Variants in CALN1 observed in about 807,000 individuals in gnomAD.
CALN1 encodes calneuron 1, also known as calcium-binding protein 8.
Under a neutral mutation model 30.6 loss-of-function variants are expected in CALN1, and 17 were observed. That is an observed-to-expected ratio of 0.56 (90% confidence interval 0.38 to 0.83). The LOEUF (loss-of-function observed/expected upper bound fraction) is 0.83. Ranked by LOEUF, CALN1 falls within the 40% of genes least tolerant of loss-of-function variation. CALN1 has a pLI of 0.00. For synonymous variants in CALN1, 156 were observed against 131.4 expected (o/e 1.19, Z -1.28); for missense variants, 291 against 354.9 (o/e 0.82, Z 1.45).
At chr7:71,915,690 CTG>C (rs1341975215) in intron 5 of CALN1, among the ~76,000 whole-genome samples, 1 of 152,122 alleles carries the variant, frequency 6.6e-6, no homozygotes, top group Non-Finnish European at 1.5e-5. Flanking sequence ...GCCAAGATCG[CTG>C]CATTGCACTC....
At chr7:72,100,638 G>GAA (rs1806585619) in intron 4 of CALN1, among the ~76,000 whole-genome samples, 1 of 151,890 alleles carries the variant, frequency 6.6e-6, no homozygotes, top group Non-Finnish European at 1.5e-5. Context: ...CTAACACAGT[G>GAA]AAACCCCATC....
At chr7:71,985,958 T>C (rs985836520) in intron 5 of CALN1, among the ~76,000 whole-genome samples, 1 of 152,110 alleles carries the variant, frequency 6.6e-6, no homozygotes, top group Admixed American at 6.5e-5. Context: ...AAATGATCCA[T>C]GGTATGAGAC....
At chr7:71,801,750 G>GCAGA (rs1787327155) in intron 6 of CALN1, among the ~76,000 whole-genome samples, 1 of 152,060 alleles carries the variant, frequency 6.6e-6, no homozygotes, top group Non-Finnish European at 1.5e-5. Context: ...GCTGAGGTGG[G>GCAGA]TGGATCACCT....
At chr7:72,409,813 G>A (rs991786377) in intron 1 of CALN1, among the ~76,000 whole-genome samples, 2 of 152,068 alleles carry the variant, frequency 1.3e-5, no homozygotes, top group African/African-American at 2.4e-5. Flanking sequence ...ACCAAGGAAC[G>A]TTCCCTCCCT....
rs949458592 is a variant in CALN1, at chr7:72,177,336, G to T, written c.245-71042C>A. ...ACAGAAATAAGACATCCCGGGCTATGTCATGACTCTTAAGCAGGCCTGGCC... is the reference window on the plus strand; with the variant it reads ...ACAGAAATAAGACATCCCGGGCTATTTCATGACTCTTAAGCAGGCCTGGCC... On this transcript the variant is annotated intron_variant, in intron 3 of 6. Coordinates refer to ENST00000395275, the MANE Select transcript of CALN1 (RefSeq NM_031468.4). 3.3e-5 allele frequency among the ~76,000 whole-genome samples: 5 copies of T among 152,174 alleles called. No homozygotes were observed. The East Asian group carries it at 9.6e-4, about 29-fold the overall frequency.
At chr7:72,253,517 A>G (rs1795704135) in intron 3 of CALN1, among the ~76,000 whole-genome samples, 1 of 152,230 alleles carries the variant, frequency 6.6e-6, no homozygotes, top group Admixed American at 6.5e-5. Context: ...CTGAAGTTGA[A>G]AGGGAAACAA....
At chr7:72,318,578 T>C (rs1317126566) in intron 2 of CALN1, among the ~76,000 whole-genome samples, 1 of 152,142 alleles carries the variant, frequency 6.6e-6, no homozygotes, top group South Asian at 2.1e-4. Context: ...TCTTGCTCTA[T>C]TACCCAGGCT....
intron 5 of CALN1, among the ~76,000 whole-genome samples, chr7:71,928,819 GT>G (rs1795402408): frequency 1.3e-5 from 2 of 151,870 alleles, no homozygotes; most frequent in East Asian, 3.9e-4. Flanking sequence ...ATCACTTGAG[GT>G]CAGGAGCTCC....
intron 3 of CALN1, among the ~76,000 whole-genome samples, chr7:72,127,182 T>C (rs1808828968): frequency 6.6e-6 from 1 of 151,424 alleles, no homozygotes; most frequent in Admixed American, 6.6e-5. Flanking sequence ...AGACTTGAGG[T>C]AAGGGTGGTA....
intron 1 of CALN1, among the ~76,000 whole-genome samples, chr7:72,418,469 T>A (rs1310537222): frequency 1.3e-5 from 2 of 152,178 alleles, no homozygotes; most frequent in Non-Finnish European, 2.9e-5. Flanking sequence ...TTATTTTCCT[T>A]TGGGTTTGGG....
chr7:71,907,439 G>A (rs1794203296), intron 5 of CALN1, among the ~76,000 whole-genome samples: 1 of 152,142 alleles, frequency 6.6e-6, no homozygotes, highest in South Asian at 2.1e-4. Flanking sequence ...GATTCTCCAT[G>A]CATCAACTAT....
At chr7:72,191,313 C>G (rs1202079657) in intron 3 of CALN1, among the ~76,000 whole-genome samples, 1 of 152,000 alleles carries the variant, frequency 6.6e-6, no homozygotes, top group African/African-American at 2.4e-5. Flanking sequence ...TGAAGGATGG[C>G]AGAGGAGGCC....
At chr7:71,816,060 G>A (rs1219669253) in intron 5 of CALN1, among the ~76,000 whole-genome samples, 1 of 150,736 alleles carries the variant, frequency 6.6e-6, no homozygotes, top group African/African-American at 2.4e-5. Context: ...TTTACAGAGA[G>A]AGTCTTGCTA....
chr7:72,223,426 G>T (rs1034790990), intron 3 of CALN1, among the ~76,000 whole-genome samples: 3 of 152,156 alleles, frequency 2.0e-5, no homozygotes, highest in African/African-American at 7.2e-5. Flanking sequence ...TATGGAAGGT[G>T]ATTCATTTTT....
At chr7:72,102,955 C>T (rs1049365855) in intron 4 of CALN1, among the ~76,000 whole-genome samples, 32 of 151,836 alleles carry the variant, frequency 2.1e-4, no homozygotes, top group African/African-American at 7.0e-4. Flanking sequence ...CACCTGTAGG[C>T]CCAGCTACTT....
intron 2 of CALN1, among the ~76,000 whole-genome samples, chr7:72,362,861 T>A (rs1250297419): frequency 6.6e-6 from 1 of 152,188 alleles, no homozygotes; most frequent in African/African-American, 2.4e-5. Flanking sequence ...GCAGCTCATA[T>A]ACATTTACCA....
chr7:72,244,307 AT>A (rs1795025242), intron 3 of CALN1, among the ~76,000 whole-genome samples: 1 of 152,194 alleles, frequency 6.6e-6, no homozygotes, highest in Non-Finnish European at 1.5e-5. Flanking sequence ...AACTCTGATT[AT>A]TTCAGAATTC....
chr7:72,336,649 A>G (rs1802064123), intron 2 of CALN1: 4 of 955,384 alleles, frequency 4.2e-6, no homozygotes, highest in Non-Finnish European at 5.0e-6. Flanking sequence ...GACCGAGGGA[A>G]GAAGAAAAGA....
At chr7:72,062,085 T>G (rs1803693913) in intron 4 of CALN1, among the ~76,000 whole-genome samples, 2 of 152,188 alleles carry the variant, frequency 1.3e-5, no homozygotes, top group Admixed American at 1.3e-4. Flanking sequence ...CAACCCAGAA[T>G]TCTACATCCA....
Sources: gnomAD v4.1 joint callset for allele counts (sites outside exome capture counted in the v4.1 genomes callset) on GRCh38, gnomAD v4.1.1 for gene constraint, MANE v1.5 for transcripts, NCBI Gene and HGNC (gene_info 2026-07-23, HGNC 2026-07-21) for gene names.